The following COBL variants were observed in gnomAD, a reference collection of about 807,000 sequenced individuals.
The protein encoded by COBL is protein cordon-bleu.
A neutral mutation model predicts 98.8 loss-of-function variants in COBL; 51 were observed. The ratio of observed to expected loss-of-function variants is 0.52; its 90% CI spans 0.41 to 0.65. The LOEUF is 0.65. Ranked by LOEUF, COBL falls within the 30% of genes least tolerant of loss-of-function variation. COBL has a pLI of 0.00. For missense variants in COBL, 1,617 were observed against 1,617.5 expected, an observed-to-expected ratio of 1.00 and a Z score of 0.01; for synonymous variants, 634 against 651.7, an observed-to-expected ratio of 0.97 and a Z score of 0.41.
chr7:51,028,147 C>T lies in COBL; in HGVS notation c.2949G>A (p.Gln983=). ...TCTGTCCCACAGAAACACGATCCCT[C>T]TGGGAAGACTGAACCAGTGAGAAAC... The part of the protein sequence containing the change: ...SSCFSLVQSS[Q]RDRVSVGQSC... The change falls in exon 10 of 13, where the codon CAG becomes CAA. Residue 983 remains glutamine (Q), a synonymous_variant. Transcript: ENST00000265136. 1 of 1,614,256 alleles carries T rather than the reference C, an allele frequency of 6.2e-7. No homozygotes were observed. Among genetic ancestry groups the T allele is most frequent in the Non-Finnish European group, 8.5e-7 (1 of 1,180,044 alleles).
At chr7:51,178,242 T>G (rs1788602964) in intron 5 of COBL, among the ~76,000 whole-genome samples, 3 of 152,120 alleles carry the variant, frequency 2.0e-5, no homozygotes. Flanking sequence ...CAATTTTGCA[T>G]GGCTTAAAGG....
At chr7:51,045,156 C>T (rs1187224230) in intron 7 of COBL, among the ~76,000 whole-genome samples, 9 of 152,168 alleles carry the variant, frequency 5.9e-5, no homozygotes. Context: ...TCTTGCCTTC[C>T]CTTTTGCTGC....
At chr7:51,064,305 T>C (rs1037182668) in intron 7 of COBL, 1 of 131,576 alleles carries the variant, frequency 7.6e-6, no homozygotes, top group Non-Finnish European at 1.6e-5. Context: ...CTTGAGTGGC[T>C]TTTTTTTTTT....
chr7:51,132,696 T>C (rs1270124811), intron 6 of COBL, among the ~76,000 whole-genome samples: 2 of 152,136 alleles, frequency 1.3e-5, no homozygotes, highest in African/African-American at 4.8e-5. Context: ...TGGCTCATGG[T>C]TCCATAGACT....
chr7:51,043,321 C>T, intron 8 of COBL, 62 bp downstream of exon 8: 2 of 1,513,734 alleles, frequency 1.3e-6, no homozygotes, highest in Non-Finnish European at 1.8e-6. Context: ...GACAAAAGAC[C>T]CTCTTTAGAG....
intron 7 of COBL, among the ~76,000 whole-genome samples, chr7:51,047,018 G>A (rs1789776339): frequency 6.6e-6 from 1 of 152,170 alleles, no homozygotes; most frequent in African/African-American, 2.4e-5. Context: ...TGACTAATTA[G>A]GAATCTTTAA....
chr7:51,151,588 G>A (rs1160660567), intron 5 of COBL, among the ~76,000 whole-genome samples: 1 of 152,166 alleles, frequency 6.6e-6, no homozygotes. Context: ...TATCCTTCAT[G>A]ACCTGGTAGC....
intron 12 of COBL, 54 bp downstream of exon 12, chr7:51,025,055 C>G: frequency 1.2e-6 from 2 of 1,609,540 alleles, no homozygotes; most frequent in Non-Finnish European, 1.7e-6. Flanking sequence ...TGGATCTACG[C>G]TGCACCTCCA....
chr7:51,289,592 T>C (rs1476794938), intron 1 of COBL, among the ~76,000 whole-genome samples: 2 of 152,252 alleles, frequency 1.3e-5, no homozygotes, highest in Non-Finnish European at 2.9e-5. Context: ...CCTCTCCTTA[T>C]TCCAGAAATA....
intron 1 of COBL, among the ~76,000 whole-genome samples, chr7:51,263,617 T>C (rs1260731092): frequency 6.6e-6 from 1 of 151,940 alleles, no homozygotes; most frequent in Non-Finnish European, 1.5e-5. Flanking sequence ...GTGCTTTTAG[T>C]TGAAGCTTTA....
chr7:51,213,747 G>A (rs1463519117), intron 2 of COBL, among the ~76,000 whole-genome samples: 1 of 152,014 alleles, frequency 6.6e-6, no homozygotes, highest in Non-Finnish European at 1.5e-5. Flanking sequence ...AAGCCACATC[G>A]CCGGAAACAG....
intron 8 of COBL, chr7:51,032,064 G>T (rs1323367161): frequency 1.3e-5 from 2 of 152,252 alleles, no homozygotes; most frequent in Admixed American, 1.3e-4. Flanking sequence ...GGCAGGTAGT[G>T]TTGTTGTCAC....
rs1253574752 is a variant in COBL, at chr7:51,020,119, G to A, written c.3769-2551C>T. On this transcript the variant is annotated intron_variant, in intron 12 of 12. Coordinates refer to ENST00000265136, the MANE Select transcript of COBL (RefSeq NM_015198.5). ...AGTTCAATAGGACGTTTCCCAAAGC[G>A]GCTAGGAGCTGATAAGGTGTCTGGG... 2.0e-5 allele frequency among the ~76,000 whole-genome samples: 3 copies of A among 152,182 alleles called. 1 individual carries two copies. The highest frequency in any genetic ancestry group is 4.1e-4 in the South Asian group (2 of 4,832).
chr7:51,258,108 CTTAA>C (rs1191041700), intron 1 of COBL, among the ~76,000 whole-genome samples: 44 of 152,136 alleles, frequency 2.9e-4, no homozygotes, highest in African/African-American at 1.0e-3. Context: ...AGAAGCAACA[CTTAA>C]TTAGTGAAGA....
intron 12 of COBL, among the ~76,000 whole-genome samples, chr7:51,024,681 ATGAATGAATGAAT>A (rs1385249338): frequency 1.0e-5 from 1 of 99,980 alleles, no homozygotes; most frequent in Non-Finnish European, 2.9e-5. Flanking sequence ...GAATGAATGA[ATGAATGAATGAAT>A]AAGACTGGCG....
intron 5 of COBL, among the ~76,000 whole-genome samples, chr7:51,136,984 G>C (rs1246829220): frequency 1.3e-5 from 2 of 152,210 alleles, no homozygotes; most frequent in African/African-American, 2.4e-5. Context: ...GCAGGCTACA[G>C]GACACACAAA....
At chr7:51,155,522 G>A (rs1400290424) in intron 5 of COBL, among the ~76,000 whole-genome samples, 1 of 148,894 alleles carries the variant, frequency 6.7e-6, no homozygotes, top group Non-Finnish European at 1.5e-5. Flanking sequence ...CCTGGGAGGC[G>A]GAGGTTGCAG....
chr7:51,240,165 C>T (rs533650098), intron 1 of COBL, among the ~76,000 whole-genome samples: 10 of 152,276 alleles, frequency 6.6e-5, no homozygotes, highest in African/African-American at 1.9e-4. Context: ...CACAGCTTGC[C>T]AAGCCTTGGT....
chr7:51,120,810 T>G (rs1797674229), intron 6 of COBL, among the ~76,000 whole-genome samples: 1 of 152,242 alleles, frequency 6.6e-6, no homozygotes, highest in South Asian at 2.1e-4. Flanking sequence ...ATGATGCATG[T>G]ATCAAAATTT....
Sources: gnomAD v4.1 joint callset for allele counts (sites outside exome capture counted in the v4.1 genomes callset) on GRCh38, gnomAD v4.1.1 for gene constraint, MANE v1.5 for transcripts, NCBI Gene and HGNC (gene_info 2026-07-23, HGNC 2026-07-21) for gene names.